Variants in MLXIP observed in about 807,000 individuals in gnomAD.
The protein encoded by MLXIP is MLX interacting protein.
A neutral mutation model predicts 87.2 loss-of-function variants in MLXIP; 30 were observed. The ratio of observed to expected loss-of-function variants is 0.34; its 90% CI spans 0.26 to 0.47. MLXIP has a LOEUF of 0.47. Among genes scored for constraint, MLXIP ranks in the 20% least tolerant of loss-of-function variants. MLXIP has a pLI of 1.00. For synonymous variants in MLXIP, 530 were observed against 514.0 expected (o/e 1.03, Z -0.42); for missense variants, 1,002 against 1,240.1 (o/e 0.81, Z 2.88).
chr12:122,083,345 G>A (rs912863813), intron 1 of MLXIP, among the ~76,000 whole-genome samples: 2 of 152,048 alleles, frequency 1.3e-5, no homozygotes, highest in Admixed American at 6.5e-5. Context: ...ATTAGGGCTT[G>A]TAAGATAGCC....
intron 1 of MLXIP, among the ~76,000 whole-genome samples, chr12:122,083,633 C>T (rs929827422): frequency 3.9e-5 from 6 of 152,116 alleles, no homozygotes; most frequent in African/African-American, 1.2e-4. Context: ...AGGCTGGTCT[C>T]GAACTCCCAA....
intron 1 of MLXIP, among the ~76,000 whole-genome samples, chr12:122,091,839 T>G (rs1445179590): frequency 2.6e-5 from 4 of 152,182 alleles, no homozygotes; most frequent in Non-Finnish European, 5.9e-5. Flanking sequence ...TTCAGGTGAT[T>G]CTTGCCATGT....
In MLXIP at chr12:122,094,085, G is replaced by A. The variant is rs1350359695; in HGVS notation, c.413+14819G>A. 3.4e-5 allele frequency among the ~76,000 whole-genome samples: 5 copies of A among 145,460 alleles called. No homozygotes were observed. The East Asian group carries it at 1.1e-3, about 31-fold the overall frequency. On this transcript the variant is annotated intron_variant, in intron 1 of 16. Coordinates refer to ENST00000319080, the MANE Select transcript of MLXIP (RefSeq NM_014938.6). ...TTTGCGGTGTCTGGTGTGGTGTGTTGGTGTGTGTGGTGGTGTGTGTGTGGT... is the reference window on the plus strand; with the variant it reads ...TTTGCGGTGTCTGGTGTGGTGTGTTAGTGTGTGTGGTGGTGTGTGTGTGGT...
intron 1 of MLXIP, among the ~76,000 whole-genome samples, chr12:122,089,009 CA>C (rs1177216284): frequency 0.12 from 5,945 of 47,860 alleles, 226 homozygotes; most frequent in African/African-American, 0.27. Context: ...CCCATCTCTA[CA>C]AAAAAAAAAA....
chr12:122,079,309 T>C lies in MLXIP; in HGVS notation c.413+43T>C, dbSNP rs113999613. 5.4e-5 allele frequency: 83 copies of C among 1,525,562 alleles called. No individual in the cohort carries two copies. In the African/African-American group the frequency reaches 1.1e-3, roughly 21 times the overall value. The allele number at this position is 1,525,562 out of a possible 1,614,324, so 94.5% of individuals were successfully genotyped here. A position where few individuals can be genotyped will look rare whatever the true frequency, so the allele number is the denominator to read the frequency against. The stretch of plus-strand genomic sequence containing the variant: ...CCCCTGAGGCCCCGGCCGGAGGCCC[T>C]TGTTTGACAAAACAAGCGTGGAGGG... On this transcript the variant is annotated intron_variant, in intron 1 of 16. Coordinates refer to ENST00000319080, the MANE Select transcript of MLXIP (RefSeq NM_014938.6).
Position 122,135,266 on chromosome 12 carries a change from G to T in MLXIP, c.1775G>T (p.Gly592Val). 3.1e-6 allele frequency: 5 copies of T among 1,613,642 alleles called. No homozygotes were observed. The highest frequency in any genetic ancestry group is 4.2e-6 in the Non-Finnish European group (5 of 1,179,870). Reference protein sequence around the residue: ...GQPQAVIMTSGPLKREGMLAS... With the variant: ...GQPQAVIMTSVPLKREGMLAS... ...CCACAAGCGGTGATCATGACGTCAGGGCCTCTGAAGAGAGAAGGGATGTTG... is the reference window on the plus strand; with the variant it reads ...CCACAAGCGGTGATCATGACGTCAGTGCCTCTGAAGAGAGAAGGGATGTTG... The change falls in exon 10 of 17, where the codon GGG becomes GTG. Residue 592 changes from glycine (G) to valine (V), a missense_variant. Transcript: ENST00000319080. The surrounding 1 kb of genome is among the most constrained non-coding windows in gnomAD (Gnocchi z 5.3).
chr12:122,086,827 G>A (rs1163942733), intron 1 of MLXIP, among the ~76,000 whole-genome samples: 2 of 152,116 alleles, frequency 1.3e-5, no homozygotes, highest in African/African-American at 2.4e-5. Context: ...GGTCCCCCGC[G>A]GGGGAGATGC....
chr12:122,084,100 CTG>C lies in MLXIP; in HGVS notation c.413+4837_413+4838del, dbSNP rs556558213. 1.2e-3 allele frequency among the ~76,000 whole-genome samples: 175 copies of C among 151,042 alleles called. 1 individual carries two copies. The highest frequency in any genetic ancestry group is 4.2e-3 in the African/African-American group (171 of 41,020). The stretch of plus-strand genomic sequence containing the variant: ...GAACAGTTAGTAAGGGCTGTGATAA[CTG>C]TGACCTCTTGTGACACTACCGGGAA... On this transcript the variant is annotated intron_variant, in intron 1 of 16. Transcript: ENST00000319080.
At chr12:122,141,443 C>T (rs1028924056) in intron 16 of MLXIP, among the ~76,000 whole-genome samples, 5 of 152,116 alleles carry the variant, frequency 3.3e-5, no homozygotes, top group African/African-American at 1.2e-4. Flanking sequence ...GCTGGCAGCC[C>T]CATGGCACCA....
intron 15 of MLXIP, 160 bp from the exon 16 acceptor site, chr12:122,140,794 C>A: frequency 9.0e-7 from 1 of 1,114,278 alleles, no homozygotes; most frequent in Non-Finnish European, 1.3e-6. Context: ...GGAAGACACA[C>A]CTTGCCTAGA....
chr12:122,125,154 G>A (rs1464374259), intron 1 of MLXIP, among the ~76,000 whole-genome samples: 4 of 151,810 alleles, frequency 2.6e-5, no homozygotes, highest in African/African-American at 7.3e-5. Flanking sequence ...CAACAAGAGC[G>A]AAACTCCATC....
At chr12:122,126,425 G>C (rs1952882430) in intron 1 of MLXIP, among the ~76,000 whole-genome samples, 1 of 152,190 alleles carries the variant, frequency 6.6e-6, no homozygotes, top group Non-Finnish European at 1.5e-5. Flanking sequence ...GAGAGGCCAG[G>C]CCAGCTCAGA....
rs1953018164 is a variant in MLXIP at position 122,133,445 on chromosome 12, A to G, written c.1190A>G (p.Gln397Arg). 6.2e-7 allele frequency: 1 copy of G among 1,612,954 alleles called. No individual in the cohort carries two copies. Among genetic ancestry groups the G allele is most frequent in the African/African-American group, 1.3e-5 (1 of 74,878 alleles). Residue 397 changes from glutamine to arginine, a missense_variant, in exon 9 of 17, where the codon CAG becomes CGG. Transcript: ENST00000319080. This position sits in a 1 kb window ranked among gnomAD's most constrained non-coding sequence, Gnocchi z 4.9. The part of the protein sequence containing the change: ...TAPSLAHMDE[Q>R]GCEHTSRTED... Reference sequence around the variant, plus strand: ...CCATCCCTGGCTCACATGGATGAGCAGGGCTGTGAACACACCTCCCGGACT... The same window carrying G: ...CCATCCCTGGCTCACATGGATGAGCGGGGCTGTGAACACACCTCCCGGACT...
chr12:122,138,728 G>A, intron 14 of MLXIP, 87 bp from the exon 15 acceptor site: 12 of 1,543,534 alleles, frequency 7.8e-6, no homozygotes, highest in Non-Finnish European at 1.0e-5. Context: ...CTGTGGCCCG[G>A]CACTGGGCCA....
intron 1 of MLXIP, among the ~76,000 whole-genome samples, chr12:122,116,208 TG>T (rs1210804558): frequency 2.0e-5 from 3 of 152,172 alleles, no homozygotes; most frequent in African/African-American, 7.2e-5. Flanking sequence ...TGGGGAAAGC[TG>T]GGTGAAGGGT....
intron 1 of MLXIP, among the ~76,000 whole-genome samples, chr12:122,122,179 A>G (rs1952794100): frequency 6.6e-6 from 1 of 152,206 alleles, no homozygotes; most frequent in Admixed American, 6.5e-5. Context: ...GCTTTAAAGA[A>G]GGAATGGAGC....
At chr12:122,079,637 G>A (rs1952062977) in intron 1 of MLXIP, among the ~76,000 whole-genome samples, 1 of 152,246 alleles carries the variant, frequency 6.6e-6, no homozygotes, top group African/African-American at 2.4e-5. Context: ...TCCAGCAGCG[G>A]TCAGGACCAC....
chr12:122,107,175 G>A (rs975021214), intron 1 of MLXIP, among the ~76,000 whole-genome samples: 4 of 152,208 alleles, frequency 2.6e-5, no homozygotes, highest in Non-Finnish European at 5.9e-5. Flanking sequence ...GGTGCAGGCA[G>A]TCATCAGGCC....
chr12:122,126,668 C>T (rs1324674058), intron 1 of MLXIP, among the ~76,000 whole-genome samples: 1 of 152,172 alleles, frequency 6.6e-6, no homozygotes, highest in African/African-American at 2.4e-5. Context: ...CTGTGGTCAA[C>T]AGATTTCTTC....
Sources: allele counts gnomAD v4.1 joint callset (sites outside exome capture counted in the v4.1 genomes callset), GRCh38; gene constraint gnomAD v4.1.1; non-coding constraint Gnocchi (gnomAD v3.1); transcripts MANE v1.5; gene names NCBI Gene and HGNC (gene_info 2026-07-23, HGNC 2026-07-21).